Variants in COPB2 observed in about 807,000 individuals in gnomAD.
COPB2 encodes coat protein complex I subunit beta 2, also known as coatomer subunit beta'.
In COPB2, 16 loss-of-function variants were observed where a neutral mutation model predicts 120.8. That is an observed-to-expected ratio of 0.13 (90% CI 0.09 to 0.20). The LOEUF is 0.20. COPB2 is among the 10% of genes least tolerant of loss of function. The probability of loss-of-function intolerance (pLI) is 1.00; values close to 1 mark genes in which losing one functional copy is unlikely to be tolerated. For missense variants in COPB2, 794 were observed against 1,076.5 expected (o/e 0.74, Z 3.67); for synonymous variants, 332 against 366.3 (o/e 0.91, Z 1.07).
In COPB2 at chr3:139,383,426, G is replaced by C. The variant is rs772313542; in HGVS notation, c.13C>G (p.Leu5Val). 2 of 1,558,750 alleles carry C rather than the reference G, an allele frequency of 1.3e-6. No individual in the cohort carries two copies. The highest frequency in any genetic ancestry group is 1.7e-6 in the Non-Finnish European group (2 of 1,155,204). Residue 5 changes from leucine (L) to valine (V), a missense_variant, in exon 2 of 22, where the codon CTT (leucine) becomes GTT (valine). Physicochemically the swap from Leu to Val is conservative, Grantham distance 32. Transcript: ENST00000333188. The part of the protein sequence containing the change: MPLR[L>V]DIKRKLTARS... ...GCAGTTAGCTTTCTTTTGATATCAA[G>C]TCGCAGAGGCTAAAAAGAAACATTA...
intron 9 of COPB2, among the ~76,000 whole-genome samples, chr3:139,372,103 G>C (rs1560017322): frequency 6.6e-6 from 1 of 152,188 alleles, no homozygotes. Context: ...AAGGCAACTG[G>C]AGGCAGGAAG....
rs1042479834 is a variant in COPB2, at chr3:139,359,112, G to A, written c.2370C>T (p.Asp790=). 6 of 1,613,988 alleles carry A rather than the reference G, an allele frequency of 3.7e-6. No individual in the cohort carries two copies. The African/African-American group carries it at 8.0e-5, about 22-fold the overall frequency. ...GGAACAGGTTTTCATACTCTGTTGGGTCAGCAAGGGATTCTGCTGCTTTCT... is the reference window on the plus strand; with the variant it reads ...GGAACAGGTTTTCATACTCTGTTGGATCAGCAAGGGATTCTGCTGCTTTCT... The part of the protein sequence containing the change: ...VNQKAAESLA[D]PTEYENLFPG... The change falls in exon 19 of 22, where the codon GAC becomes GAT. Residue 790 remains aspartate, a synonymous_variant. Coordinates refer to ENST00000333188, the MANE Select transcript of COPB2 (RefSeq NM_004766.3).
At chr3:139,359,209 A>G in intron 18 of COPB2, 31 bp from the exon 19 acceptor site, 4 of 1,610,984 alleles carry the variant, frequency 2.5e-6, no homozygotes, top group Non-Finnish European at 2.5e-6. Flanking sequence ...CCAAAGAGAG[A>G]CTAAGTAAAT....
chr3:139,361,323 A>G, intron 16 of COPB2, 28 bp from the exon 17 acceptor site: 1 of 1,592,788 alleles, frequency 6.3e-7, no homozygotes, highest in Non-Finnish European at 8.6e-7. Flanking sequence ...CCAAGTTAAA[A>G]TATCTTTAGA....
intron 13 of COPB2, 33 bp from the exon 14 acceptor site, chr3:139,367,178 T>C: frequency 6.2e-7 from 1 of 1,605,130 alleles, no homozygotes; most frequent in South Asian, 1.1e-5. Flanking sequence ...AATTACTTTA[T>C]CCAACATCAG....
Position 139,374,576 on chromosome 3 carries a change from C to T in COPB2, c.664G>A (p.Val222Met). The change falls in exon 7 of 22, where the codon GTG becomes ATG. Residue 222 changes from valine (V) to methionine (M), a missense_variant. By Grantham distance (21) the Val-to-Met change is conservative. This residue lies in a region of COPB2 where 610 missense variants were observed against 866.7 expected (regional missense o/e 0.70). Coordinates refer to ENST00000333188, the MANE Select transcript of COPB2 (RefSeq NM_004766.3). Reference sequence around the variant, plus strand: ...TGGGCATGTCCTTCCAGTGTCTGCACACATGTTTTATTCTGTAATTAAGAC... The same window carrying T: ...TGGGCATGTCCTTCCAGTGTCTGCATACATGTTTTATTCTGTAATTAAGAC... The part of the protein sequence containing the change: ...KIWDYQNKTC[V>M]QTLEGHAQNV... 6.2e-7 allele frequency: 1 copy of T among 1,613,422 alleles called. No homozygotes were observed. Among genetic ancestry groups the T allele is most frequent in the South Asian group, 1.1e-5 (1 of 90,954 alleles).
At chr3:139,371,383 C>A (rs1433644884) in intron 10 of COPB2, among the ~76,000 whole-genome samples, 1 of 152,156 alleles carries the variant, frequency 6.6e-6, no homozygotes, top group Non-Finnish European at 1.5e-5. Context: ...GGAGGGCATG[C>A]CAAGGCCTGC....
chr3:139,374,287 G>A (rs992235340), intron 7 of COPB2: 56 of 534,902 alleles, frequency 1.0e-4, no homozygotes, highest in Non-Finnish European at 1.7e-5. Context: ...CAAAATACAT[G>A]AGAATGATGA....
At position 139,383,306 on chromosome 3, in the gene COPB2, C is replaced by G. The variant is rs1422750411; in HGVS notation, c.133G>C (p.Glu45Gln). Residue 45 changes from glutamate (E) to glutamine (Q), a missense_variant, in exon 2 of 22, where the codon GAA becomes CAA. By Grantham distance (29) the Glu-to-Gln change is conservative. Around this residue, in one of 3 missense-constraint regions of COPB2, gnomAD observed 610 missense variants for 866.7 expected, o/e 0.70. Coordinates refer to ENST00000333188, the MANE Select transcript of COPB2 (RefSeq NM_004766.3). ...YNGSVCVWNH[E>Q]TQTLVKTFEV... ...TCCTGAAAAATTCCTACCTGTGTTT[C>G]ATGATTCCAAACACACACACTGCCA... 4.3e-6 allele frequency: 7 copies of G among 1,613,842 alleles called. No individual in the cohort carries two copies. The highest frequency in any genetic ancestry group is 1.3e-5 in the African/African-American group (1 of 74,910).
chr3:139,364,078 A>G (rs74737581), intron 15 of COPB2, among the ~76,000 whole-genome samples: 2,383 of 152,282 alleles, frequency 0.016, 73 homozygotes, highest in African/African-American at 0.054. Flanking sequence ...CCAACGACAC[A>G]CAGAAAGGGA....
At chr3:139,377,467 G>A (rs1363184437) in intron 5 of COPB2, among the ~76,000 whole-genome samples, 2 of 152,226 alleles carry the variant, frequency 1.3e-5, no homozygotes, top group Admixed American at 1.3e-4. Flanking sequence ...GTAAGGTTTT[G>A]TGAACATTCA....
rs1179755010 is a variant in COPB2, at chr3:139,373,731, C to T, written c.829G>A (p.Val277Met). 8.1e-6 allele frequency: 13 copies of T among 1,614,140 alleles called. No individual in the cohort carries two copies. Among genetic ancestry groups the T allele is most frequent in the South Asian group, 1.1e-5 (1 of 91,092 alleles). The change falls in exon 8 of 22, where the codon GTG (valine) becomes ATG (methionine). Residue 277 changes from valine (V) to methionine (M), a missense_variant. Val to Met is a conservative substitution (Grantham distance 21, BLOSUM62 1). Coordinates refer to ENST00000333188, the MANE Select transcript of COPB2 (RefSeq NM_004766.3). ...TTGTTTGACCCTCTTAGACTGGCCA[C>T]GCACCATACCCTCTCCATTCCATAA... ...LNYGMERVWC[V>M]ASLRGSNNVA... is the part of the protein sequence containing the mutation.
intron 15 of COPB2, among the ~76,000 whole-genome samples, chr3:139,366,177 T>C (rs1251093945): frequency 1.3e-5 from 2 of 152,236 alleles, no homozygotes; most frequent in African/African-American, 4.8e-5. Flanking sequence ...GCTTTGCACA[T>C]ATGTAACTTT....
intron 12 of COPB2, among the ~76,000 whole-genome samples, chr3:139,368,740 C>T (rs1287121110): frequency 2.6e-5 from 4 of 152,132 alleles, no homozygotes; most frequent in Non-Finnish European, 5.9e-5. Context: ...AGTAAGCCCC[C>T]AAGTCAATGT....
intron 10 of COPB2, among the ~76,000 whole-genome samples, chr3:139,371,011 T>G (rs1008083453): frequency 2.0e-5 from 3 of 152,152 alleles, no homozygotes; most frequent in African/African-American, 4.8e-5. Context: ...GGGGGCAAGA[T>G]GCAACATAAA....
chr3:139,388,388 AG>A (rs1443230144), intron 1 of COPB2: 1 of 137,628 alleles, frequency 7.3e-6, no homozygotes, highest in African/African-American at 2.6e-5. Context: ...AAAAAAAAAA[AG>A]AAGGTCCATG....
At position 139,373,178 on chromosome 3, in the gene COPB2, A is replaced by G. The variant is rs1222441468; in HGVS notation, c.1094+35T>C. 3 of 1,604,476 alleles carry G rather than the reference A, an allele frequency of 1.9e-6. No homozygotes were observed. In the East Asian group the frequency reaches 6.7e-5, roughly 36 times the overall value. ...GATCTGCAAACCTGTTCTAACATAC[A>G]CAGAAGCTGAGGGACAATTTTGGTG... On this transcript the variant is annotated intron_variant, in intron 9 of 21. Transcript: ENST00000333188.
chr3:139,360,776 T>G (rs1941404390), intron 17 of COPB2, among the ~76,000 whole-genome samples: 1 of 152,138 alleles, frequency 6.6e-6, no homozygotes, highest in Non-Finnish European at 1.5e-5. Context: ...CTCAATAGCC[T>G]CCTGCAATCA....
chr3:139,382,130 A>T (rs1171789359), intron 2 of COPB2: 2 of 152,204 alleles, frequency 1.3e-5, no homozygotes, highest in Admixed American at 1.3e-4. Flanking sequence ...ATGGACTATG[A>T]TATGGTTTGG....
Sources: allele counts gnomAD v4.1 joint callset (sites outside exome capture counted in the v4.1 genomes callset), GRCh38; gene constraint gnomAD v4.1.1; regional missense constraint gnomAD v4.1.1; transcripts MANE v1.5; gene names NCBI Gene and HGNC (gene_info 2026-07-23, HGNC 2026-07-21).